Variants in PCDH15 observed in about 807,000 individuals in gnomAD.
PCDH15 encodes the protein protocadherin-15.
PCDH15 carries 129 observed loss-of-function variants against 178.5 expected under a neutral mutation model. That is an observed-to-expected ratio of 0.72 (90% CI 0.63 to 0.84). The LOEUF (loss-of-function observed/expected upper bound fraction) is 0.84. PCDH15 is among the 40% of genes least tolerant of loss of function. The pLI is 0.00. For missense variants in PCDH15, 2,230 were observed against 2,099.9 expected, an observed-to-expected ratio of 1.06 and a Z score of -1.21; for synonymous variants, 800 against 732.0, an observed-to-expected ratio of 1.09 and a Z score of -1.50.
At chr10:55,142,318 G>A (rs1181682806) in intron 2 of PCDH15, among the ~76,000 whole-genome samples, 1 of 151,978 alleles carries the variant, frequency 6.6e-6, no homozygotes, top group Non-Finnish European at 1.5e-5. Flanking sequence ...TAATAGTTTA[G>A]ATTGGCTGAA....
chr10:53,925,560 G>A (rs2084459515), intron 25 of PCDH15, among the ~76,000 whole-genome samples: 1 of 152,194 alleles, frequency 6.6e-6, no homozygotes, highest in African/African-American at 2.4e-5. Flanking sequence ...TTAGCAGAAT[G>A]GATCTAAACA....
chr10:53,810,425 TTTCTATGGGAAATACGTAC>T (rs1472851167), intron 37 of PCDH15, 112 bp downstream of exon 37: 2 of 760,130 alleles, frequency 2.6e-6, no homozygotes, highest in African/African-American at 3.5e-5. Context: ...CACTGTGAAA[TTTCTATGGGAAATACGTAC>T]TAAGTGAAAG....
In PCDH15 at chr10:55,517,008, C is replaced by T. The variant is rs560506733; in HGVS notation, c.-156+110617G>A. On this transcript the variant is annotated intron_variant, in intron 2 of 5. Transcript: ENST00000613346. ...ATGAGTACAGAACAGAAAAACAAAT[C>T]CTGTGAATAGAAATGACACTTATAA... 1.1e-3 allele frequency among the ~76,000 whole-genome samples: 167 copies of T among 151,524 alleles called. 1 individual carries two copies. Among genetic ancestry groups the T allele is most frequent in the Non-Finnish European group, 1.9e-3 (132 of 67,844 alleles).
At chr10:55,197,023 T>G (rs1237280781) in intron 1 of PCDH15, among the ~76,000 whole-genome samples, 1 of 152,002 alleles carries the variant, frequency 6.6e-6, no homozygotes, top group Non-Finnish European at 1.5e-5. Context: ...CACCATTTTT[T>G]TAAATAGTTA....
chr10:55,409,024 A>G (rs1838271727), intron 2 of PCDH15, among the ~76,000 whole-genome samples: 1 of 152,018 alleles, frequency 6.6e-6, no homozygotes, highest in African/African-American at 2.4e-5. Flanking sequence ...CTTGATTTGT[A>G]CCACTTGTTA....
In PCDH15 at chr10:54,581,889, C is replaced by T. The variant is rs1360971554; in HGVS notation, c.92-54012G>A. On this transcript the variant is annotated intron_variant, in intron 2 of 37. Coordinates refer to ENST00000644397, the MANE Select transcript of PCDH15 (RefSeq NM_001384140.1). ...CAGAAGAATGAAACTGGACTCCTAC[C>T]TTTCACCATATAATAAATTCACTCA... Among the ~76,000 whole-genome samples the T allele has an allele frequency of 4.6e-5, 7 of 151,950 alleles. No homozygotes were observed. In the South Asian group the frequency reaches 1.5e-3, roughly 32 times the overall value.
chr10:55,541,394 A>C (rs1841756481), intron 2 of PCDH15, among the ~76,000 whole-genome samples: 1 of 151,970 alleles, frequency 6.6e-6, no homozygotes, highest in South Asian at 2.1e-4. Flanking sequence ...AAAGGAGAGT[A>C]ATCTACATCT....
intron 4 of PCDH15, among the ~76,000 whole-genome samples, chr10:54,372,259 G>A (rs1459183173): frequency 2.0e-5 from 3 of 151,662 alleles, no homozygotes; most frequent in Non-Finnish European, 4.4e-5. Context: ...TGGTACCACT[G>A]GGACCAAAAG....
At chr10:55,170,143 G>T (rs765109411) in intron 1 of PCDH15, among the ~76,000 whole-genome samples, 24 of 151,844 alleles carry the variant, frequency 1.6e-4, no homozygotes, top group Non-Finnish European at 2.8e-4. Context: ...TGTGGGTTTT[G>T]TTTTATTTGT....
chr10:54,047,906 A>T (rs1004176921), intron 18 of PCDH15, among the ~76,000 whole-genome samples: 4 of 152,130 alleles, frequency 2.6e-5, no homozygotes, highest in African/African-American at 9.7e-5. Flanking sequence ...TGGTAGAATG[A>T]TGTATTTTCC....
intron 3 of PCDH15, among the ~76,000 whole-genome samples, chr10:54,861,791 A>G (rs1164554521): frequency 6.6e-6 from 1 of 152,192 alleles, no homozygotes; most frequent in African/African-American, 2.4e-5. Flanking sequence ...TTTATACATA[A>G]AAACCCTAAA....
At chr10:54,350,867 G>T in intron 5 of PCDH15, among the ~76,000 whole-genome samples, 1 of 152,116 alleles carries the variant, frequency 6.6e-6, no homozygotes, top group Non-Finnish European at 1.5e-5. Context: ...AATTTGGGAG[G>T]CTGAACTAGA....
At chr10:54,654,389 A>G (rs1275080037) in intron 2 of PCDH15, among the ~76,000 whole-genome samples, 2 of 152,236 alleles carry the variant, frequency 1.3e-5, no homozygotes, top group South Asian at 2.1e-4. Context: ...GAAGTCTGAT[A>G]GGAAGACACT....
intron 8 of PCDH15, among the ~76,000 whole-genome samples, chr10:54,262,720 G>GA (rs1014940907): frequency 2.0e-5 from 3 of 151,742 alleles, no homozygotes; most frequent in African/African-American, 7.3e-5. Context: ...GTTCTCATGG[G>GA]GCATGGGAGC....
chr10:53,992,362 C>G (rs1479566576), intron 21 of PCDH15, among the ~76,000 whole-genome samples: 1 of 152,146 alleles, frequency 6.6e-6, no homozygotes, highest in African/African-American at 2.4e-5. Context: ...GTCGGTGAGA[C>G]CAAGAACCCA....
intron 2 of PCDH15, among the ~76,000 whole-genome samples, chr10:55,359,666 T>A: frequency 6.7e-6 from 1 of 149,884 alleles, no homozygotes; most frequent in African/African-American, 2.5e-5. Flanking sequence ...ATCACCAAGA[T>A]ATATATTCAA....
intron 2 of PCDH15, among the ~76,000 whole-genome samples, chr10:55,538,660 CT>C (rs1589122014): frequency 4.7e-4 from 2 of 4,236 alleles, no homozygotes; most frequent in African/African-American, 9.9e-4. Context: ...TCCTTCCTTC[CT>C]TCCACATTTC....
intron 23 of PCDH15, among the ~76,000 whole-genome samples, chr10:53,941,372 G>A (rs1002190873): frequency 6.6e-6 from 1 of 152,056 alleles, no homozygotes; most frequent in Non-Finnish European, 1.5e-5. Flanking sequence ...TCTTTGTAGT[G>A]TCTCTATGGT....
rs568822460 is a variant in PCDH15 at position 54,064,333 on chromosome 10, G to A, written c.2220+2424C>T. ...TTTTTTTGGGCTCAGAAAGGAGGAAGTACATGTTGATTGGTCCACGGGTGG... is the reference window on the plus strand; with the variant it reads ...TTTTTTTGGGCTCAGAAAGGAGGAAATACATGTTGATTGGTCCACGGGTGG... On this transcript the variant is annotated intron_variant, in intron 18 of 37. Coordinates refer to ENST00000644397, the MANE Select transcript of PCDH15 (RefSeq NM_001384140.1). Among the ~76,000 whole-genome samples, 22 of 152,310 alleles carry A rather than the reference G, an allele frequency of 1.4e-4. No individual in the cohort carries two copies. In the East Asian group the frequency reaches 3.1e-3, roughly 21 times the overall value.
Sources: gnomAD v4.1 joint callset for allele counts (sites outside exome capture counted in the v4.1 genomes callset) on GRCh38, gnomAD v4.1.1 for gene constraint, MANE v1.5 for transcripts, NCBI Gene and HGNC (gene_info 2026-07-23, HGNC 2026-07-21) for gene names.